The following ALDH1L1 variants were observed in gnomAD, a reference collection of about 807,000 sequenced individuals.
ALDH1L1 encodes the protein cytosolic 10-formyltetrahydrofolate dehydrogenase.
In ALDH1L1, 68 loss-of-function variants were observed where a neutral mutation model predicts 101.1. The observed-to-expected ratio is 0.67, with a 90% CI of 0.55 to 0.82. The LOEUF (loss-of-function observed/expected upper bound fraction) is 0.82, where lower values mean the gene tolerates loss of function less well. Ranked by LOEUF, ALDH1L1 falls within the 40% of genes least tolerant of loss-of-function variation. The probability of loss-of-function intolerance (pLI) is 0.00; values close to 1 mark genes in which losing one functional copy is unlikely to be tolerated. For missense variants in ALDH1L1, 1,087 were observed against 1,172.7 expected (o/e 0.93, Z 1.07); for synonymous variants, 486 against 470.8 (o/e 1.03, Z -0.42).
intron 1 of ALDH1L1, among the ~76,000 whole-genome samples, chr3:126,168,015 T>A: frequency 6.6e-6 from 1 of 152,092 alleles, no homozygotes; most frequent in Non-Finnish European, 1.5e-5. Context: ...TGGATTTGCA[T>A]GCAAGGTGTA....
chr3:126,145,132 C>T (rs1487805784), intron 9 of ALDH1L1, among the ~76,000 whole-genome samples: 2 of 152,004 alleles, frequency 1.3e-5, no homozygotes, highest in Non-Finnish European at 2.9e-5. Flanking sequence ...AATGAGATAC[C>T]ATCTCATCAC....
At chr3:126,114,951 C>A (rs1386373287) in intron 17 of ALDH1L1, 5 of 497,222 alleles carry the variant, frequency 1.0e-5, no homozygotes, top group Admixed American at 2.3e-5. Flanking sequence ...GGGTGCCTCC[C>A]TGATCGCCCC....
At chr3:126,163,694 T>C (rs1490018557) in intron 1 of ALDH1L1, among the ~76,000 whole-genome samples, 2 of 152,232 alleles carry the variant, frequency 1.3e-5, no homozygotes, top group Admixed American at 1.3e-4. Context: ...TTTATTGTGG[T>C]GGATCATAAT....
At chr3:126,122,017 T>C (rs1269268620) in intron 16 of ALDH1L1, among the ~76,000 whole-genome samples, 1 of 152,160 alleles carries the variant, frequency 6.6e-6, no homozygotes, top group Non-Finnish European at 1.5e-5. Flanking sequence ...TACATGACTG[T>C]ATTCAAACTG....
chr3:126,191,377 A>G (rs372973286), intron 1 of ALDH1L1, among the ~76,000 whole-genome samples: 21 of 152,290 alleles, frequency 1.4e-4, no homozygotes, highest in African/African-American at 4.3e-4. Flanking sequence ...GCGGGGGCTG[A>G]CTGCCAGCTG....
chr3:126,123,004 T>C (rs887827772), intron 16 of ALDH1L1, among the ~76,000 whole-genome samples: 16 of 152,196 alleles, frequency 1.1e-4, no homozygotes, highest in African/African-American at 3.4e-4. Flanking sequence ...GCAGAGATTA[T>C]GAGACTGGAT....
intron 9 of ALDH1L1, among the ~76,000 whole-genome samples, chr3:126,142,127 T>C (rs2080580271): frequency 1.4e-5 from 2 of 143,762 alleles, no homozygotes. Context: ...AAACACACAA[T>C]CTACCAAAAC....
Position 126,146,364 on chromosome 3 carries a change from C to T in ALDH1L1, c.1076+471G>A, listed in dbSNP as rs377290996. On this transcript the variant is annotated intron_variant, in intron 9 of 22. Coordinates refer to ENST00000393434, the MANE Select transcript of ALDH1L1 (RefSeq NM_012190.4). ...CCCCCAGCTGACCTGGCAGATCCCG[C>T]CCTTATGTGAGCCCAGCTGACAGCA... 1.6e-3 allele frequency among the ~76,000 whole-genome samples: 237 copies of T among 152,280 alleles called. 5 individuals are homozygous for T. Among genetic ancestry groups the T allele is most frequent in the Non-Finnish European group, 5.6e-4 (38 of 68,030 alleles).
intron 17 of ALDH1L1, among the ~76,000 whole-genome samples, chr3:126,115,707 T>A (rs995200629): frequency 6.6e-6 from 1 of 152,014 alleles, no homozygotes; most frequent in Non-Finnish European, 1.5e-5. Context: ...CCCGAGTAGC[T>A]GGGATTACAG....
At chr3:126,130,631 T>TG (rs1469207167) in intron 13 of ALDH1L1, among the ~76,000 whole-genome samples, 4 of 152,154 alleles carry the variant, frequency 2.6e-5, no homozygotes, top group African/African-American at 2.4e-5. Flanking sequence ...GCCCAGGCCT[T>TG]GGGGGGTCCA....
upstream of ALDH1L1, among the ~76,000 whole-genome samples, chr3:126,185,478 C>A (rs1479729895): frequency 6.6e-6 from 1 of 152,238 alleles, no homozygotes; most frequent in Non-Finnish European, 1.5e-5. Flanking sequence ...GGTCTGGGTA[C>A]TTCAGGCTTC....
intron 16 of ALDH1L1, among the ~76,000 whole-genome samples, chr3:126,120,778 T>C (rs1380309203): frequency 1.3e-5 from 2 of 152,194 alleles, no homozygotes; most frequent in Admixed American, 6.5e-5. Flanking sequence ...GTCTATTTAC[T>C]AGTAATAATA....
At chr3:126,163,344 G>A (rs1356365317) in intron 1 of ALDH1L1, among the ~76,000 whole-genome samples, 1 of 152,172 alleles carries the variant, frequency 6.6e-6, no homozygotes, top group African/African-American at 2.4e-5. Flanking sequence ...TTCATACTGT[G>A]TAGATTCTTT....
At chr3:126,147,629 A>G (rs543666530) in intron 8 of ALDH1L1, among the ~76,000 whole-genome samples, 4 of 152,228 alleles carry the variant, frequency 2.6e-5, no homozygotes, top group East Asian at 1.9e-4. Context: ...GTGGGGCAGG[A>G]GTCAGGAGGG....
chr3:126,107,500 A>G (rs1233860970), intron 20 of ALDH1L1, among the ~76,000 whole-genome samples: 1 of 152,242 alleles, frequency 6.6e-6, no homozygotes, highest in Non-Finnish European at 1.5e-5. Flanking sequence ...GGCAGGTGAC[A>G]GAGCTGAGAC....
intron 12 of ALDH1L1, chr3:126,135,233 C>T (rs942329331): frequency 3.6e-6 from 1 of 274,460 alleles, no homozygotes; most frequent in Non-Finnish European, 6.9e-6. Context: ...CCTGGGAGGC[C>T]CAGCCTGCGC....
At chr3:126,116,656 G>A (rs76798790) in intron 17 of ALDH1L1, among the ~76,000 whole-genome samples, 12,229 of 152,152 alleles carry the variant, frequency 0.08, 719 homozygotes, top group African/African-American at 0.16. Flanking sequence ...CCCTACCCAC[G>A]TCACTCAAAG....
chr3:126,151,959 C>A, intron 7 of ALDH1L1: 1 of 152,898 alleles, frequency 6.5e-6, no homozygotes. Context: ...CACTTAATTG[C>A]CTTCTTTGCA....
chr3:126,114,534 C>T, intron 18 of ALDH1L1, 23 bp downstream of exon 18: 2 of 1,481,664 alleles, frequency 1.3e-6, no homozygotes, highest in Non-Finnish European at 1.8e-6. Context: ...ACTGTCCCTG[C>T]CCCCTCCAGG....
Sources: gnomAD v4.1 joint callset for allele counts (sites outside exome capture counted in the v4.1 genomes callset) on GRCh38, gnomAD v4.1.1 for gene constraint, MANE v1.5 for transcripts, NCBI Gene and HGNC (gene_info 2026-07-23, HGNC 2026-07-21) for gene names.